The following SESN1 variants were observed in gnomAD, a reference collection of about 807,000 sequenced individuals.
SESN1 encodes sestrin 1.
A neutral mutation model predicts 59.3 loss-of-function variants in SESN1; 30 were observed. The observed-to-expected ratio is 0.51, with a 90% CI of 0.38 to 0.69. SESN1 has a LOEUF of 0.69. Ranked by LOEUF, SESN1 falls within the 30% of genes least tolerant of loss-of-function variation. The pLI is 0.00. For synonymous variants in SESN1, 197 were observed against 219.9 expected (o/e 0.90, Z 0.92); for missense variants, 566 against 673.0 (o/e 0.84, Z 1.76).
intron 1 of SESN1, among the ~76,000 whole-genome samples, chr6:109,049,070 C>A (rs979587302): frequency 6.6e-6 from 1 of 152,060 alleles, no homozygotes; most frequent in Non-Finnish European, 1.5e-5. Context: ...GAATAAATGA[C>A]AGCTATGATT....
chr6:109,011,274 A>G (rs1319631162), intron 1 of SESN1, among the ~76,000 whole-genome samples: 1 of 152,248 alleles, frequency 6.6e-6, no homozygotes, highest in Non-Finnish European at 1.5e-5. Context: ...ATAAATATTT[A>G]TTGAAGAAAT....
chr6:109,013,329 C>T (rs778759207), intron 1 of SESN1, among the ~76,000 whole-genome samples: 2 of 152,076 alleles, frequency 1.3e-5, no homozygotes, highest in Middle Eastern at 3.4e-3. Context: ...GGGCAGTCTT[C>T]GGAACAATGG....
At chr6:108,998,312 T>C (rs1389986922) in intron 5 of SESN1, among the ~76,000 whole-genome samples, 1 of 152,142 alleles carries the variant, frequency 6.6e-6, no homozygotes, top group Non-Finnish European at 1.5e-5. Flanking sequence ...TACATCACTT[T>C]TGTAAAATGT....
intron 1 of SESN1, among the ~76,000 whole-genome samples, chr6:109,045,850 A>G (rs1780421420): frequency 6.6e-6 from 1 of 152,094 alleles, no homozygotes; most frequent in Admixed American, 6.5e-5. Flanking sequence ...CTGGCATGGA[A>G]TGTTACACAG....
chr6:109,065,516 A>T (rs1187445636), intron 1 of SESN1, among the ~76,000 whole-genome samples: 1 of 152,168 alleles, frequency 6.6e-6, no homozygotes, highest in Non-Finnish European at 1.5e-5. Flanking sequence ...ATGAAGACAT[A>T]GGGAGAAAAC....
chr6:109,019,928 G>A (rs937907535), intron 1 of SESN1, among the ~76,000 whole-genome samples: 4 of 152,102 alleles, frequency 2.6e-5, no homozygotes, highest in Admixed American at 6.6e-5. Flanking sequence ...TTCAAATATT[G>A]CACACTAAAT....
At chr6:109,081,902 T>C (rs1040579778) in intron 1 of SESN1, among the ~76,000 whole-genome samples, 55 of 152,314 alleles carry the variant, frequency 3.6e-4, no homozygotes, top group Non-Finnish European at 7.5e-4. Context: ...GAAACACTGA[T>C]AGGGCAGCTC....
intron 9 of SESN1, among the ~76,000 whole-genome samples, 176 bp from the exon 10 acceptor site, chr6:108,987,806 CTT>C (rs3029194): frequency 3.5e-4 from 47 of 135,430 alleles, no homozygotes; most frequent in Non-Finnish European, 3.4e-4. Flanking sequence ...CAGCAGCTAT[CTT>C]TTTTTTTTTT....
chr6:108,994,638 T>C (rs896393987), intron 5 of SESN1, 29 bp from the exon 6 acceptor site: 9 of 1,583,128 alleles, frequency 5.7e-6, no homozygotes, highest in South Asian at 5.7e-5. Flanking sequence ...TAATGTTACA[T>C]GTGGCAGACA....
intron 1 of SESN1, chr6:109,008,791 G>A: frequency 1.0e-6 from 1 of 985,378 alleles, no homozygotes; most frequent in Non-Finnish European, 1.2e-6. Context: ...GGCTTAATAC[G>A]CAAGAGTAAA....
At chr6:109,007,342 G>C (rs1779753324) in intron 1 of SESN1, among the ~76,000 whole-genome samples, 1 of 152,154 alleles carries the variant, frequency 6.6e-6, no homozygotes. Flanking sequence ...ATCCTTAAGT[G>C]AAATAATGAA....
intron 1 of SESN1, among the ~76,000 whole-genome samples, chr6:109,041,603 G>T (rs980217220): frequency 6.6e-6 from 1 of 151,848 alleles, no homozygotes; most frequent in Non-Finnish European, 1.5e-5. Context: ...CAGAGACAAG[G>T]AGGGACATTA....
chr6:109,031,384 G>A (rs1780179972), intron 1 of SESN1, among the ~76,000 whole-genome samples: 1 of 152,140 alleles, frequency 6.6e-6, no homozygotes, highest in East Asian at 1.9e-4. Context: ...GGAAGAGGTA[G>A]TGCTACCATT....
At position 109,019,538 on chromosome 6, in the gene SESN1, A is replaced by T. The variant is rs929217540; in HGVS notation, c.280-17195T>A. 2.6e-5 allele frequency among the ~76,000 whole-genome samples: 4 copies of T among 152,212 alleles called. No individual in the cohort carries two copies. The South Asian group carries it at 8.3e-4, about 32-fold the overall frequency. ...CTGTCCTGGGTCTAGTCTATAACCTAAAGCATTATCAGTCCTTTCAGCCCT... is the reference window on the plus strand; with the variant it reads ...CTGTCCTGGGTCTAGTCTATAACCTTAAGCATTATCAGTCCTTTCAGCCCT... On this transcript the variant is annotated intron_variant, in intron 1 of 9. Transcript: ENST00000436639.
intron 8 of SESN1, among the ~76,000 whole-genome samples, chr6:108,989,647 A>G (rs1779321623): frequency 6.6e-6 from 1 of 151,912 alleles, no homozygotes; most frequent in Admixed American, 6.6e-5. Context: ...ATAAATAAAT[A>G]AAATAAAAAT....
chr6:109,010,662 A>G (rs933283376), intron 1 of SESN1, among the ~76,000 whole-genome samples: 1 of 151,174 alleles, frequency 6.6e-6, no homozygotes, highest in African/African-American at 2.5e-5. Flanking sequence ...AATAAATAAG[A>G]TAAATGATAT....
At chr6:109,083,920 A>T (rs1175272778) in intron 1 of SESN1, among the ~76,000 whole-genome samples, 1 of 152,214 alleles carries the variant, frequency 6.6e-6, no homozygotes, top group Non-Finnish European at 1.5e-5. Context: ...TAGCTAGAAA[A>T]TGAAATCATG....
intron 1 of SESN1, among the ~76,000 whole-genome samples, chr6:109,087,530 T>C (rs1781233496): frequency 6.6e-6 from 1 of 151,984 alleles, no homozygotes; most frequent in Admixed American, 6.5e-5. Context: ...AGGGACCGAG[T>C]TCACAACGTA....
At chr6:109,050,250 A>C (rs1780519887) in intron 1 of SESN1, among the ~76,000 whole-genome samples, 1 of 152,188 alleles carries the variant, frequency 6.6e-6, no homozygotes, top group Non-Finnish European at 1.5e-5. Context: ...TCAAAGACTG[A>C]CCAATTGTGC....
Sources: allele counts gnomAD v4.1 joint callset (sites outside exome capture counted in the v4.1 genomes callset), GRCh38; gene constraint gnomAD v4.1.1; transcripts MANE v1.5; gene names NCBI Gene and HGNC (gene_info 2026-07-23, HGNC 2026-07-21).